The following VPS13C variants were observed in gnomAD, a reference collection of about 807,000 sequenced individuals.
VPS13C encodes the protein intermembrane lipid transfer protein VPS13C.
Under a neutral mutation model 456.8 loss-of-function variants are expected in VPS13C, and 358 were observed. The observed-to-expected ratio is 0.78, with a 90% CI of 0.72 to 0.86. The LOEUF is 0.86. Among genes scored for constraint, VPS13C ranks in the 40% least tolerant of loss-of-function variants. VPS13C has a pLI of 0.00. For synonymous variants in VPS13C, 1,578 were observed against 1,486.7 expected (o/e 1.06, Z -1.41); for missense variants, 4,818 against 4,385.4 (o/e 1.10, Z -2.79).
At chr15:61,913,470 T>C in intron 61 of VPS13C, 55 bp from the exon 62 acceptor site, 2 of 1,474,464 alleles carry the variant, frequency 1.4e-6, no homozygotes, top group Non-Finnish European at 1.9e-6. Flanking sequence ...TATAATAATT[T>C]TATTTGAGAG....
chr15:62,007,066 T>A (rs7167876), intron 15 of VPS13C, among the ~76,000 whole-genome samples: 92,014 of 151,904 alleles, frequency 0.61, 28,321 homozygotes, highest in East Asian at 0.77. Flanking sequence ...TAAAAACCAG[T>A]CACCTTTCCC....
intron 14 of VPS13C, 74 bp from the exon 15 acceptor site, chr15:62,007,553 T>G: frequency 7.7e-7 from 1 of 1,302,300 alleles, no homozygotes; most frequent in Non-Finnish European, 1.0e-6. Flanking sequence ...CTTGACATTT[T>G]AGATCTTATG....
intron 2 of VPS13C, 108 bp from the exon 3 acceptor site, chr15:62,041,474 C>A: frequency 9.4e-7 from 1 of 1,068,552 alleles, no homozygotes; most frequent in Non-Finnish European, 1.4e-6. Context: ...AAACAAAAAC[C>A]AAATTTTCTA....
intron 24 of VPS13C, among the ~76,000 whole-genome samples, chr15:61,974,735 T>C (rs559639918): frequency 1.3e-5 from 2 of 152,312 alleles, no homozygotes; most frequent in African/African-American, 4.8e-5. Flanking sequence ...ATTCTTATTA[T>C]AAACATCAAA....
chr15:61,949,494 A>T lies in VPS13C; in HGVS notation c.4708T>A (p.Ser1570Thr), dbSNP rs1465719339. The change falls in exon 42 of 85, where the codon TCC becomes ACC. Residue 1570 changes from serine (S) to threonine (T), a missense_variant. Ser to Thr is a moderately conservative substitution (Grantham distance 58, BLOSUM62 1). Coordinates refer to ENST00000644861, the MANE Select transcript of VPS13C (RefSeq NM_020821.3). Reference sequence around the variant, plus strand: ...TCCCCCACAAGTGGTTTCAGCTCGGATTCCTTCTCAGAAGAGGAAGGCTCA... The same window carrying T: ...TCCCCCACAAGTGGTTTCAGCTCGGTTTCCTTCTCAGAAGAGGAAGGCTCA... ...FSEPSSSEKE[S>T]ELKPLVGESR... 7 of 1,613,554 alleles carry T rather than the reference A, an allele frequency of 4.3e-6. No individual in the cohort carries two copies. The highest frequency in any genetic ancestry group is 5.9e-6 in the Non-Finnish European group (7 of 1,179,884).
chr15:61,852,699 A>G lies in VPS13C; in HGVS notation c.*1758T>C, dbSNP rs1173755812. ...AATTACTGATAATGATCCCTTTAAT[A>G]AACTGCAATTAACCACTAATATAGA... On this transcript the variant is annotated 3_prime_UTR_variant, in exon 85 of 85. Coordinates refer to ENST00000644861, the MANE Select transcript of VPS13C (RefSeq NM_020821.3). The G allele has an allele frequency of 6.6e-6, 1 of 152,234 alleles. No homozygotes were observed. The highest frequency in any genetic ancestry group is 1.5e-5 in the Non-Finnish European group (1 of 68,034). The allele number at this position is 152,234 out of a possible 1,614,324, so 9.4% of individuals were successfully genotyped here.
chr15:61,991,104 A>C lies in VPS13C; in HGVS notation c.1484-10T>G, dbSNP rs747526649. ...ATAAGGTCATCAATAGCTATGAAAAAACAACATTTTAAGAAATTAATTGCT... is the reference window on the plus strand; with the variant it reads ...ATAAGGTCATCAATAGCTATGAAAACACAACATTTTAAGAAATTAATTGCT... On this transcript the variant is annotated splice_polypyrimidine_tract_variant and intron_variant, in intron 17 of 84. Coordinates refer to ENST00000644861, the MANE Select transcript of VPS13C (RefSeq NM_020821.3). 3.2e-6 allele frequency: 5 copies of C among 1,573,476 alleles called. No individual in the cohort carries two copies. The African/African-American group carries it at 4.1e-5, about 13-fold the overall frequency.
chr15:62,045,939 A>G (rs375007062), intron 1 of VPS13C, among the ~76,000 whole-genome samples: 1 of 152,300 alleles, frequency 6.6e-6, no homozygotes, highest in African/African-American at 2.4e-5. Flanking sequence ...CCTAAATTTA[A>G]AAGTATCTAT....
intron 1 of VPS13C, among the ~76,000 whole-genome samples, chr15:62,059,527 C>T (rs1007988734): frequency 6.6e-6 from 1 of 152,130 alleles, no homozygotes; most frequent in Non-Finnish European, 1.5e-5. Context: ...ACTTAATCTC[C>T]AGGATAAAAA....
At chr15:62,056,548 G>A (rs1042968934) in intron 1 of VPS13C, among the ~76,000 whole-genome samples, 3 of 152,152 alleles carry the variant, frequency 2.0e-5, no homozygotes, top group African/African-American at 4.8e-5. Flanking sequence ...AAAAACACCC[G>A]CGACTTAGCA....
intron 42 of VPS13C, among the ~76,000 whole-genome samples, chr15:61,948,527 T>C (rs964549836): frequency 2.0e-5 from 3 of 151,524 alleles, no homozygotes; most frequent in Non-Finnish European, 4.4e-5. Flanking sequence ...ACTAAAAATA[T>C]AAAAAATCAG....
chr15:61,895,438 T>C (rs1365994545), intron 66 of VPS13C, among the ~76,000 whole-genome samples: 1 of 151,808 alleles, frequency 6.6e-6, no homozygotes. Flanking sequence ...AAAGATAAAA[T>C]GGACAAACTT....
At chr15:62,059,933 T>C (rs2048938305) in intron 1 of VPS13C, among the ~76,000 whole-genome samples, 1 of 152,338 alleles carries the variant, frequency 6.6e-6, no homozygotes, top group Admixed American at 6.5e-5. Context: ...GAAAGGGCTC[T>C]GTTTTTATGC....
rs1002710874 is a variant in VPS13C at position 61,864,402 on chromosome 15, T to C, written c.10864-874A>G. ...ATATTAAAAACGAGTTTTTTTATAA[T>C]GAATGCTAATGAAATACTATTACTG... On this transcript the variant is annotated intron_variant, in intron 81 of 84. Coordinates refer to ENST00000644861, the MANE Select transcript of VPS13C (RefSeq NM_020821.3). 31 of 889,692 alleles carry C rather than the reference T, an allele frequency of 3.5e-5. No individual in the cohort carries two copies. In the African/African-American group the frequency reaches 4.0e-4, roughly 11 times the overall value. The allele number at this position is 889,692 out of a possible 1,614,324, so 55.1% of individuals were successfully genotyped here.
At chr15:61,903,920 T>C (rs913737083) in intron 66 of VPS13C, among the ~76,000 whole-genome samples, 1 of 152,126 alleles carries the variant, frequency 6.6e-6, no homozygotes, top group East Asian at 1.9e-4. Context: ...GAAAACTGGA[T>C]AACCATATGA....
At chr15:61,948,519 T>A (rs151255510) in intron 42 of VPS13C, among the ~76,000 whole-genome samples, 95 of 151,924 alleles carry the variant, frequency 6.3e-4, no homozygotes, top group Non-Finnish European at 1.1e-3. Context: ...CCATCTCTAC[T>A]AAAAATATAA....
intron 69 of VPS13C, among the ~76,000 whole-genome samples, chr15:61,882,059 A>G (rs190649048): frequency 0.013 from 2,006 of 152,314 alleles, 26 homozygotes; most frequent in Non-Finnish European, 0.022. Context: ...AACAGTGTGC[A>G]GTATGTACAT....
intron 61 of VPS13C, among the ~76,000 whole-genome samples, chr15:61,913,869 C>G (rs548912144): frequency 6.6e-6 from 1 of 152,226 alleles, no homozygotes; most frequent in African/African-American, 2.4e-5. Flanking sequence ...GGACACAGTT[C>G]CTGTCTTCGA....
At chr15:61,869,740 G>C (rs1894872429) in intron 79 of VPS13C, 117 bp from the exon 80 acceptor site, 3 of 1,509,626 alleles carry the variant, frequency 2.0e-6, no homozygotes, top group Non-Finnish European at 2.6e-6. Flanking sequence ...ACAAAAATTT[G>C]GCTTTCTAAA....
Sources: gnomAD v4.1 joint callset for allele counts (sites outside exome capture counted in the v4.1 genomes callset) on GRCh38, gnomAD v4.1.1 for gene constraint, MANE v1.5 for transcripts, NCBI Gene and HGNC (gene_info 2026-07-23, HGNC 2026-07-21) for gene names.